Variants in NDRG3 observed in about 807,000 individuals in gnomAD.
NDRG3 encodes NDRG family member 3.
Under a neutral mutation model 57.2 loss-of-function variants are expected in NDRG3, and 23 were observed. The observed-to-expected ratio is 0.40, with a 90% CI of 0.29 to 0.57. The LOEUF is 0.57. Ranked by LOEUF, NDRG3 falls within the 20% of genes least tolerant of loss-of-function variation. The probability of loss-of-function intolerance (pLI) is 0.42; values close to 1 mark genes in which losing one functional copy is unlikely to be tolerated. For synonymous variants in NDRG3, 132 were observed against 162.6 expected (o/e 0.81, Z 1.43); for missense variants, 384 against 457.3 (o/e 0.84, Z 1.46).
At chr20:36,668,107 T>G (rs1979793253) in intron 9 of NDRG3, among the ~76,000 whole-genome samples, 1 of 152,114 alleles carries the variant, frequency 6.6e-6, no homozygotes, top group African/African-American at 2.4e-5. Context: ...CTTAGTGTGG[T>G]GGTACGTGCC....
At chr20:36,677,245 C>T (rs745986232) in intron 8 of NDRG3, among the ~76,000 whole-genome samples, 2 of 152,318 alleles carry the variant, frequency 1.3e-5, no homozygotes, top group East Asian at 1.9e-4. Flanking sequence ...GGAAGGGCCC[C>T]TCCAAGCCCC....
intron 1 of NDRG3, 85 bp from the exon 2 acceptor site, chr20:36,721,868 A>G (rs1984615018): frequency 3.1e-6 from 2 of 639,098 alleles, no homozygotes; most frequent in East Asian, 2.7e-5. Flanking sequence ...ATTCATTCAA[A>G]TATGAGACTT....
At chr20:36,656,577 G>C in intron 13 of NDRG3, 45 bp from the exon 14 acceptor site, 1 of 1,610,480 alleles carries the variant, frequency 6.2e-7, no homozygotes, top group South Asian at 1.1e-5. Context: ...TTACCCTTAA[G>C]AGAATTGCTC....
intron 2 of NDRG3, among the ~76,000 whole-genome samples, chr20:36,715,341 C>T (rs1568662236): frequency 1.3e-5 from 2 of 151,532 alleles, no homozygotes; most frequent in Admixed American, 6.6e-5. Flanking sequence ...GCTGCAGTCC[C>T]GTCTAGAGCA....
intron 2 of NDRG3, among the ~76,000 whole-genome samples, chr20:36,708,167 C>T (rs553609845): frequency 2.6e-4 from 39 of 152,050 alleles, no homozygotes; most frequent in African/African-American, 7.5e-4. Context: ...AAAGTGTAAC[C>T]CCCTTCCTGA....
At position 36,653,770 on chromosome 20, in the gene NDRG3, T is replaced by C. The variant is rs1020578587; in HGVS notation, c.947-69A>G. On this transcript the variant is annotated intron_variant, in intron 15 of 15. Transcript: ENST00000349004. The surrounding 1 kb of genome is among the most constrained non-coding windows in gnomAD (Gnocchi z 4.2). ...AAGCCCAGCTAACCTAGGAGTCTCATCAAAGTCTTTATGTTTAGCTTTTCC... is the reference window on the plus strand; with the variant it reads ...AAGCCCAGCTAACCTAGGAGTCTCACCAAAGTCTTTATGTTTAGCTTTTCC... 2.8e-6 allele frequency: 4 copies of C among 1,437,444 alleles called. No homozygotes were observed. In the African/African-American group the frequency reaches 5.6e-5, roughly 20 times the overall value. 89.0% of individuals were successfully genotyped at this position (1,437,444 alleles called of 1,614,324 possible).
At chr20:36,697,530 A>G (rs768379907) in intron 3 of NDRG3, among the ~76,000 whole-genome samples, 23 of 152,162 alleles carry the variant, frequency 1.5e-4, no homozygotes, top group Non-Finnish European at 3.1e-4. Context: ...AGTATGGCGA[A>G]ACCCCATCTC....
intron 1 of NDRG3, among the ~76,000 whole-genome samples, chr20:36,728,499 T>A: frequency 6.6e-6 from 1 of 152,114 alleles, no homozygotes; most frequent in East Asian, 1.9e-4. Context: ...GATGGATGGA[T>A]GGGTGGATGG....
intron 2 of NDRG3, among the ~76,000 whole-genome samples, chr20:36,715,362 C>A (rs1209117282): frequency 6.6e-6 from 1 of 151,816 alleles, no homozygotes; most frequent in East Asian, 1.9e-4. Flanking sequence ...CTTCTGACAA[C>A]AGATGTAACC....
rs755709652 is a variant in NDRG3, at chr20:36,721,674, T to C, written c.57+5A>G. 6 of 1,588,358 alleles carry C rather than the reference T, an allele frequency of 3.8e-6. No individual in the cohort carries two copies. In the African/African-American group the frequency reaches 8.1e-5, roughly 21 times the overall value. On this transcript the variant is annotated splice_donor_5th_base_variant and intron_variant, in intron 2 of 15. Transcript: ENST00000349004. The stretch of plus-strand genomic sequence containing the variant: ...ATATTTTAGTGAAAACAGAAAAGTC[T>C]TTACCTTATCATTTAGAAGTGGTTT...
chr20:36,716,195 T>C (rs1383415119), intron 2 of NDRG3, among the ~76,000 whole-genome samples: 1 of 152,020 alleles, frequency 6.6e-6, no homozygotes, highest in South Asian at 2.1e-4. Context: ...TCTGCTTACA[T>C]GTTGTGATTA....
At chr20:36,737,467 C>T (rs1048864641) in intron 1 of NDRG3, among the ~76,000 whole-genome samples, 3 of 152,130 alleles carry the variant, frequency 2.0e-5, no homozygotes, top group South Asian at 2.1e-4. Context: ...AATACTCATA[C>T]GAGCCAAATT....
intron 2 of NDRG3, among the ~76,000 whole-genome samples, chr20:36,707,410 G>T (rs1983608550): frequency 6.6e-6 from 1 of 152,268 alleles, no homozygotes; most frequent in East Asian, 1.9e-4. Flanking sequence ...GCTGAGAAAG[G>T]TGAAGGAGAA....
intron 1 of NDRG3, among the ~76,000 whole-genome samples, chr20:36,736,049 C>A (rs943568179): frequency 4.0e-5 from 6 of 151,340 alleles, no homozygotes. Flanking sequence ...AGACAAGCTG[C>A]AGAAGTAGCC....
intron 6 of NDRG3, among the ~76,000 whole-genome samples, chr20:36,683,788 G>A (rs1177271671): frequency 6.6e-6 from 1 of 151,798 alleles, no homozygotes; most frequent in Non-Finnish European, 1.5e-5. Flanking sequence ...CAGCAAGTCA[G>A]TGGAGTCTAT....
At chr20:36,671,688 G>C (rs1012884470) in intron 8 of NDRG3, among the ~76,000 whole-genome samples, 2 of 151,698 alleles carry the variant, frequency 1.3e-5, no homozygotes, top group East Asian at 3.9e-4. Context: ...TGTAGTCCCT[G>C]CTACTCGGGA....
rs1982591927 is a variant in NDRG3, at chr20:36,694,362, GA to G, written c.94-5579del. Among the ~76,000 whole-genome samples the G allele has an allele frequency of 2.6e-5, 4 of 152,312 alleles. No individual in the cohort carries two copies. In the South Asian group the frequency reaches 8.3e-4, roughly 32 times the overall value. Reference sequence around the variant, plus strand: ...CTTTAGTTAAAGTGTGCGTATCACAGAATAGTTCCTGACATAAAAGAAGTGA... The same window carrying G: ...CTTTAGTTAAAGTGTGCGTATCACAGATAGTTCCTGACATAAAAGAAGTGA... On this transcript the variant is annotated intron_variant, in intron 3 of 15. Coordinates refer to ENST00000349004, the MANE Select transcript of NDRG3 (RefSeq NM_032013.4).
chr20:36,721,744 A>G lies in NDRG3; in HGVS notation c.-9T>C, dbSNP rs775653070. ...TCCTGAAGTTCATCCATGAGGTCAGATAACGAGAGTAGAGGAATCTCAAGA... is the reference window on the plus strand; with the variant it reads ...TCCTGAAGTTCATCCATGAGGTCAGGTAACGAGAGTAGAGGAATCTCAAGA... On this transcript the variant is annotated 5_prime_UTR_variant, in exon 2 of 16. Transcript: ENST00000349004. The G allele has an allele frequency of 1.9e-6, 3 of 1,598,024 alleles. No individual in the cohort carries two copies. Among genetic ancestry groups the G allele is most frequent in the Admixed American group, 1.7e-5 (1 of 59,544 alleles).
intron 8 of NDRG3, among the ~76,000 whole-genome samples, chr20:36,675,213 C>A (rs1375644664): frequency 6.6e-6 from 1 of 150,854 alleles, no homozygotes; most frequent in East Asian, 2.0e-4. Flanking sequence ...ACATGTGCCA[C>A]CAGGCCCGGG....
Sources: allele counts gnomAD v4.1 joint callset (sites outside exome capture counted in the v4.1 genomes callset), GRCh38; gene constraint gnomAD v4.1.1; non-coding constraint Gnocchi (gnomAD v3.1); transcripts MANE v1.5; gene names NCBI Gene and HGNC (gene_info 2026-07-23, HGNC 2026-07-21).